The following GALNTL6 variants were observed in gnomAD, a reference collection of about 807,000 sequenced individuals.
GALNTL6 encodes polypeptide N-acetylgalactosaminyltransferase like 6, also known as polypeptide N-acetylgalactosaminyltransferase-like 6.
Under a neutral mutation model 73.7 loss-of-function variants are expected in GALNTL6, and 46 were observed. The observed-to-expected ratio is 0.62, with a 90% confidence interval of 0.49 to 0.80. The LOEUF (loss-of-function observed/expected upper bound fraction) is 0.80. Ranked by LOEUF, GALNTL6 falls within the 30% of genes least tolerant of loss-of-function variation. GALNTL6 has a pLI of 0.00. For missense variants in GALNTL6, 604 were observed against 755.0 expected, an observed-to-expected ratio of 0.80 and a Z score of 2.34; for synonymous variants, 259 against 263.7, an observed-to-expected ratio of 0.98 and a Z score of 0.17.
rs910411594 is a variant in GALNTL6, at chr4:171,838,763, T to A, written c.138+24045T>A. ...ATATAAAAGACAAACATAAAATGCATAGAGAATGGACACATATCTTTGATT... is the reference window on the plus strand; with the variant it reads ...ATATAAAAGACAAACATAAAATGCAAAGAGAATGGACACATATCTTTGATT... On this transcript the variant is annotated intron_variant, in intron 2 of 12. Transcript: ENST00000506823. Among the ~76,000 whole-genome samples the A allele has an allele frequency of 6.6e-5, 10 of 152,232 alleles. No individual in the cohort carries two copies. The East Asian group carries it at 7.7e-4, about 12-fold the overall frequency.
intron 8 of GALNTL6, among the ~76,000 whole-genome samples, chr4:172,930,955 G>A (rs1363512796): frequency 6.6e-6 from 1 of 152,118 alleles, no homozygotes; most frequent in Admixed American, 6.6e-5. Flanking sequence ...ATGAACCACT[G>A]CACTCAGCTG....
At chr4:172,095,947 ATAAT>A (rs1463325490) in intron 2 of GALNTL6, among the ~76,000 whole-genome samples, 3 of 151,804 alleles carry the variant, frequency 2.0e-5, no homozygotes, top group Non-Finnish European at 2.9e-5. Context: ...GATTTTATAG[ATAAT>A]TTATTTTTTC....
chr4:171,946,224 T>C (rs1578996051), intron 2 of GALNTL6, among the ~76,000 whole-genome samples: 1 of 152,264 alleles, frequency 6.6e-6, no homozygotes, highest in East Asian at 1.9e-4. Flanking sequence ...AAAATACGTA[T>C]TTACAAAATC....
intron 5 of GALNTL6, among the ~76,000 whole-genome samples, chr4:172,600,176 T>G (rs1383513512): frequency 6.6e-6 from 1 of 152,102 alleles, no homozygotes; most frequent in Non-Finnish European, 1.5e-5. Context: ...AACGTTGAAT[T>G]ACATCAGCTC....
rs1753880152 is a variant in GALNTL6 at position 173,041,411 on chromosome 4, AAC to A, written c.*1315_*1316del. ...CAATAATATCACATTGGGGGAAGAA[AAC>A]ACAGGTATCAAGGTGGTTCTTGGGA... is the stretch of plus-strand genomic sequence containing the variant. On this transcript the variant is annotated 3_prime_UTR_variant, in exon 13 of 13. Transcript: ENST00000506823. 1 of 152,180 alleles carries A rather than the reference AAC, an allele frequency of 6.6e-6. No individual in the cohort carries two copies. The highest frequency in any genetic ancestry group is 6.6e-5 in the Admixed American group (1 of 15,266). The allele number at this position is 152,180 out of a possible 1,614,324, so 9.4% of individuals were successfully genotyped here.
chr4:171,821,277 G>A (rs1199465390), intron 2 of GALNTL6, among the ~76,000 whole-genome samples: 2 of 152,182 alleles, frequency 1.3e-5, no homozygotes, highest in East Asian at 3.9e-4. Context: ...CTACTGTCAA[G>A]AGATCCCCCC....
chr4:172,357,632 T>TACACACACAC (rs1261733062), intron 5 of GALNTL6, among the ~76,000 whole-genome samples: 53 of 7,650 alleles, frequency 6.9e-3, no homozygotes, highest in East Asian at 0.047. Flanking sequence ...TATATAGATA[T>TACACACACAC]ATACACACAC....
At position 172,275,767 on chromosome 4, in the gene GALNTL6, G is replaced by A. The variant is rs188074096; in HGVS notation, c.248-35847G>A. Among the ~76,000 whole-genome samples the A allele has an allele frequency of 2.0e-4, 31 of 152,218 alleles. No homozygotes were observed. In the East Asian group the frequency reaches 2.7e-3, roughly 13 times the overall value. On this transcript the variant is annotated intron_variant, in intron 3 of 12. Transcript: ENST00000506823. ...AGGTCAAAAGTTGGACACCAGCCTG[G>A]CCAACATGGTGAAACCCCGTCTCTA...
At chr4:172,952,014 AT>A (rs746402168) in intron 9 of GALNTL6, 22 bp from the exon 10 acceptor site, 51 of 1,421,258 alleles carry the variant, frequency 3.6e-5, no homozygotes, top group Non-Finnish European at 2.6e-5. Flanking sequence ...AATAAATGAC[AT>A]TTTTGTTTTC....
intron 5 of GALNTL6, among the ~76,000 whole-genome samples, chr4:172,388,134 A>G (rs774377220): frequency 1.3e-5 from 2 of 152,156 alleles, no homozygotes; most frequent in East Asian, 3.9e-4. Context: ...TTTAACAGAT[A>G]CATCCTATTT....
chr4:172,688,009 T>G (rs1733036891), intron 5 of GALNTL6, among the ~76,000 whole-genome samples: 1 of 152,230 alleles, frequency 6.6e-6, no homozygotes, highest in Non-Finnish European at 1.5e-5. Flanking sequence ...ACGGCAAATG[T>G]GTTCCTAGGA....
intron 5 of GALNTL6, among the ~76,000 whole-genome samples, chr4:172,522,676 CCCAA>C (rs1406753072): frequency 0.017 from 1,171 of 67,070 alleles, 15 homozygotes; most frequent in African/African-American, 0.065. Flanking sequence ...CCCCCCCCCC[CCCAA>C]AAAAAAAGTG....
chr4:172,931,853 A>T (rs2111321493), intron 9 of GALNTL6, among the ~76,000 whole-genome samples: 1 of 152,324 alleles, frequency 6.6e-6, no homozygotes, highest in African/African-American at 2.4e-5. Context: ...ACCAGATGCA[A>T]AGATGCTCTT....
rs185466649 is a variant in GALNTL6 at position 172,458,719 on chromosome 4, T to A, written c.553+110030T>A. On this transcript the variant is annotated intron_variant, in intron 5 of 12. Coordinates refer to ENST00000506823, the MANE Select transcript of GALNTL6 (RefSeq NM_001034845.3). Reference sequence around the variant, plus strand: ...ACAAGTTCTGAAATTGAGGCAGTAATTAATAGCCTACCAACTAATAAAAGC... The same window carrying A: ...ACAAGTTCTGAAATTGAGGCAGTAAATAATAGCCTACCAACTAATAAAAGC... Among the ~76,000 whole-genome samples the A allele has an allele frequency of 8.7e-3, 1,325 of 152,254 alleles. 12 individuals carry two copies. The highest frequency in any genetic ancestry group is 0.025 in the South Asian group (122 of 4,824).
intron 2 of GALNTL6, among the ~76,000 whole-genome samples, chr4:172,213,439 T>C (rs1579262377): frequency 6.6e-6 from 1 of 152,220 alleles, no homozygotes; most frequent in East Asian, 1.9e-4. Context: ...ATTGTCAATT[T>C]TGGAAATTTT....
intron 5 of GALNTL6, among the ~76,000 whole-genome samples, chr4:172,758,909 G>T (rs1201342384): frequency 6.6e-6 from 1 of 152,158 alleles, no homozygotes; most frequent in African/African-American, 2.4e-5. Flanking sequence ...CCCATGCGAG[G>T]ACAATAAAAG....
chr4:172,419,832 T>C (rs1209467765), intron 5 of GALNTL6, among the ~76,000 whole-genome samples: 2 of 152,148 alleles, frequency 1.3e-5, no homozygotes, highest in Non-Finnish European at 2.9e-5. Flanking sequence ...GGTTCAATGT[T>C]TATTTGCTTA....
At chr4:172,784,653 C>G (rs1457421994) in intron 5 of GALNTL6, among the ~76,000 whole-genome samples, 1 of 152,082 alleles carries the variant, frequency 6.6e-6, no homozygotes, top group Non-Finnish European at 1.5e-5. Context: ...ATGAAGGGAA[C>G]TTATAATTAG....
At chr4:171,869,620 C>T (rs908661646) in intron 2 of GALNTL6, among the ~76,000 whole-genome samples, 1 of 152,098 alleles carries the variant, frequency 6.6e-6, no homozygotes, top group Admixed American at 6.6e-5. Flanking sequence ...TTATTGAGTC[C>T]ATTGACTCAA....
Sources: gnomAD v4.1 joint callset for allele counts (sites outside exome capture counted in the v4.1 genomes callset) on GRCh38, gnomAD v4.1.1 for gene constraint, MANE v1.5 for transcripts, NCBI Gene and HGNC (gene_info 2026-07-23, HGNC 2026-07-21) for gene names.